FDXR: variants seen among roughly 807,000 people sequenced by gnomAD.
FDXR encodes ferredoxin reductase, also known as NADPH:adrenodoxin oxidoreductase, mitochondrial.
A neutral mutation model predicts 58.3 loss-of-function variants in FDXR; 38 were observed. The observed-to-expected ratio is 0.65, with a 90% CI of 0.50 to 0.85. The LOEUF (loss-of-function observed/expected upper bound fraction) is 0.85, where lower values mean the gene tolerates loss of function less well. Among genes scored for constraint, FDXR ranks in the 40% least tolerant of loss-of-function variants. The pLI, the probability that FDXR is intolerant of heterozygous loss-of-function variation, is 0.00. For missense variants in FDXR, 624 were observed against 671.0 expected, an observed-to-expected ratio of 0.93 and a Z score of 0.77; for synonymous variants, 275 against 273.8, an observed-to-expected ratio of 1.00 and a Z score of -0.04.
In FDXR at chr17:74,872,083, C is replaced by G; in HGVS notation, c.130G>C (p.Val44Leu). The stretch of plus-strand genomic sequence containing the variant: ...TAGAAGCCAGCTGGGCCACTGCCCA[C>G]CACACAGATCTGGGGGGTCTTCTCC... ...TQEKTPQICV[V>L]GSGPAGFYTA... The change falls in exon 2 of 12, where the codon GTG becomes CTG. Residue 44 changes from valine (V) to leucine (L), a missense_variant. By Grantham distance (32) the Val-to-Leu change is conservative (BLOSUM62 1). Coordinates refer to ENST00000293195, the MANE Select transcript of FDXR (RefSeq NM_024417.5). 1 of 1,606,722 alleles carries G rather than the reference C, an allele frequency of 6.2e-7. No homozygotes were observed. The highest frequency in any genetic ancestry group is 8.5e-7 in the Non-Finnish European group (1 of 1,176,080).
At chr17:74,870,789 CTG>C (rs977651555) in intron 2 of FDXR, among the ~76,000 whole-genome samples, 2 of 136,196 alleles carry the variant, frequency 1.5e-5, no homozygotes, top group East Asian at 2.1e-4. Context: ...CTCAAATGCA[CTG>C]TCTCTCTTTT....
chr17:74,867,415 C>A (rs1024599958), intron 2 of FDXR, among the ~76,000 whole-genome samples: 2 of 150,820 alleles, frequency 1.3e-5, no homozygotes, highest in African/African-American at 4.9e-5. Context: ...GGAATTATAT[C>A]AGGGCGGCTT....
intron 4 of FDXR, 37 bp downstream of exon 4, chr17:74,866,408 GC>G: frequency 1.2e-6 from 2 of 1,608,434 alleles, no homozygotes; most frequent in Non-Finnish European, 1.7e-6. Context: ...TCCTTCTGCA[GC>G]CCCTGCCTCC....
intron 1 of FDXR, chr17:74,872,636 C>CA: frequency 1.0e-6 from 1 of 953,052 alleles, no homozygotes; most frequent in South Asian, 1.7e-5. Context: ...CTGTAGATCT[C>CA]AAAGTCTCTC....
In FDXR at chr17:74,862,924, C is replaced by T; in HGVS notation, c.1369G>A (p.Asp457Asn). ...TCCTCGGCATCCAGCTTCTCCCAGT[C>T]TGAGAAAGAGACTGGCCGGACCCCT... The part of the protein sequence containing the change: ...SRGVRPVSFS[D>N]WEKLDAEEVA... Residue 457 changes from aspartate to asparagine, a missense_variant, in exon 12 of 12, where the codon GAC (aspartate) becomes AAC (asparagine). Transcript: ENST00000293195. 2 of 1,612,716 alleles carry T rather than the reference C, an allele frequency of 1.2e-6. No individual in the cohort carries two copies. The highest frequency in any genetic ancestry group is 1.7e-6 in the Non-Finnish European group (2 of 1,179,940).
chr17:74,863,961 C>G lies in FDXR; in HGVS notation c.1109G>C (p.Ser370Thr), dbSNP rs1280615549. Residue 370 changes from serine to threonine, a missense_variant, in exon 10 of 12, where the codon AGC becomes ACC. Coordinates refer to ENST00000293195, the MANE Select transcript of FDXR (RefSeq NM_024417.5). ...CCCAAGCTTGGAGTCAAAGGGCACG[C>G]TTGGGTCGACAGGGCGGCTCTTATA... is the stretch of plus-strand genomic sequence containing the variant. The part of the protein sequence containing the change: ...IGYKSRPVDP[S>T]VPFDSKLGVI... 2 of 1,613,998 alleles carry G rather than the reference C, an allele frequency of 1.2e-6. No homozygotes were observed. Among genetic ancestry groups the G allele is most frequent in the African/African-American group, 2.7e-5 (2 of 74,928 alleles).
chr17:74,868,859 C>T, intron 2 of FDXR: 1 of 987,472 alleles, frequency 1.0e-6, no homozygotes, highest in Non-Finnish European at 1.4e-6. Flanking sequence ...TACTCTCTCT[C>T]TCCTGCCCAG....
intron 1 of FDXR, 85 bp from the exon 2 acceptor site, chr17:74,872,218 G>T: frequency 6.4e-7 from 1 of 1,554,444 alleles, no homozygotes. Context: ...AACAGAAGCT[G>T]GAACTTCCCA....
chr17:74,870,550 G>A (rs1376372693), intron 2 of FDXR, among the ~76,000 whole-genome samples: 2 of 134,350 alleles, frequency 1.5e-5, no homozygotes, highest in Non-Finnish European at 3.1e-5. Flanking sequence ...AACACTGCCT[G>A]GAAAGCTTAC....
intron 10 of FDXR, among the ~76,000 whole-genome samples, chr17:74,863,693 C>T (rs1417103636): frequency 6.6e-6 from 1 of 152,244 alleles, no homozygotes; most frequent in Non-Finnish European, 1.5e-5. Context: ...GACTTAATGA[C>T]CCGACGTATG....
At chr17:74,865,679 A>G (rs938886411) in intron 6 of FDXR, 40 bp downstream of exon 6, 1 of 1,411,182 alleles carries the variant, frequency 7.1e-7, no homozygotes, top group African/African-American at 1.4e-5. Context: ...CCTCAGGGTG[A>G]CCCCACCTCC....
At chr17:74,870,602 T>C (rs72844509) in intron 2 of FDXR, among the ~76,000 whole-genome samples, 124,706 of 148,422 alleles carry the variant, frequency 0.84, 52,969 homozygotes, top group African/African-American at 0.95. Flanking sequence ...AAAAAAAAAC[T>C]GTCCCTTATA....
At chr17:74,864,601 G>A (rs1353194001) in intron 7 of FDXR, 37 bp from the exon 8 acceptor site, 2 of 1,586,410 alleles carry the variant, frequency 1.3e-6, no homozygotes, top group Non-Finnish European at 1.7e-6. Context: ...GAGGAGGTCA[G>A]GCCCAGAACA....
At chr17:74,868,475 G>T in intron 2 of FDXR, 2 of 993,786 alleles carry the variant, frequency 2.0e-6, no homozygotes, top group Non-Finnish European at 3.1e-6. Context: ...AAAAATCTTC[G>T]CTGGGGCCCA....
chr17:74,871,673 G>C (rs958429284), intron 2 of FDXR, among the ~76,000 whole-genome samples: 2 of 152,186 alleles, frequency 1.3e-5, no homozygotes, highest in African/African-American at 4.8e-5. Flanking sequence ...GGGTAGCCTC[G>C]AGATGTAGGA....
rs982916107 is a variant in FDXR, at chr17:74,862,669, G to A, written c.*148C>T. On this transcript the variant is annotated 3_prime_UTR_variant, in exon 12 of 12. Coordinates refer to ENST00000293195, the MANE Select transcript of FDXR (RefSeq NM_024417.5). ...CGCGCAAGGGCGACCTTCCCCAGGA[G>A]GGAGGAGAGACGCTGGAAGAGCAGC... The A allele has an allele frequency of 4.4e-6, 5 of 1,132,854 alleles. No homozygotes were observed. Among genetic ancestry groups the A allele is most frequent in the Admixed American group, 2.7e-5 (1 of 36,998 alleles). 70.2% of individuals were successfully genotyped at this position (1,132,854 alleles called of 1,614,324 possible). A position where few individuals can be genotyped will look rare whatever the true frequency, so the allele number is the denominator to read the frequency against.
chr17:74,867,096 C>A (rs1205795711), intron 2 of FDXR: 2 of 958,792 alleles, frequency 2.1e-6, no homozygotes, highest in Middle Eastern at 2.3e-4. Context: ...AACCTGAGGT[C>A]AGGAGTTCGA....
rs919114393 is a variant in FDXR, at chr17:74,872,484, C to G, written c.80-351G>C. 3.2e-5 allele frequency: 20 copies of G among 622,340 alleles called. No homozygotes were observed. In the South Asian group the frequency reaches 3.8e-4, roughly 12 times the overall value. 38.6% of individuals were successfully genotyped at this position (622,340 alleles called of 1,614,324 possible). ...CCCCGTGGGTCTCCCCACGGTGTCC[C>G]TCCTCTAACCCCTCTCTCTCTCCAC... On this transcript the variant is annotated intron_variant, in intron 1 of 11. Coordinates refer to ENST00000293195, the MANE Select transcript of FDXR (RefSeq NM_024417.5).
rs34607406 is a variant in FDXR at position 74,862,587 on chromosome 17, G to C, written c.*230C>G. On this transcript the variant is annotated 3_prime_UTR_variant, in exon 12 of 12. Coordinates refer to ENST00000293195, the MANE Select transcript of FDXR (RefSeq NM_024417.5). ...AGAGAGATGGGTAAGGGGTTAGATCGGCCCACACCTCCACCTGTCCCTAAG... is the reference window on the plus strand; with the variant it reads ...AGAGAGATGGGTAAGGGGTTAGATCCGCCCACACCTCCACCTGTCCCTAAG... The C allele has an allele frequency of 1.9e-6, 1 of 539,772 alleles. No individual in the cohort carries two copies. Among genetic ancestry groups the C allele is most frequent in the African/African-American group, 1.9e-5 (1 of 52,854 alleles). The allele number at this position is 539,772 out of a possible 1,614,324, so 33.4% of individuals were successfully genotyped here.
Sources: allele counts gnomAD v4.1 joint callset (sites outside exome capture counted in the v4.1 genomes callset), GRCh38; gene constraint gnomAD v4.1.1; transcripts MANE v1.5; gene names NCBI Gene and HGNC (gene_info 2026-07-23, HGNC 2026-07-21).